The following C6 variants were observed in gnomAD, a reference collection of about 807,000 sequenced individuals.
C6 encodes complement C6.
Under a neutral mutation model 112.9 loss-of-function variants are expected in C6, and 101 were observed. That is an observed-to-expected ratio of 0.89 (90% confidence interval 0.76 to 1.06). C6 has a LOEUF of 1.06. C6 is among the 50% of genes least tolerant of loss of function. C6 has a pLI of 0.00. For synonymous variants in C6, 431 were observed against 384.1 expected, an observed-to-expected ratio of 1.12 and a Z score of -1.43; for missense variants, 1,202 against 1,104.6, an observed-to-expected ratio of 1.09 and a Z score of -1.25.
intron 17 of C6, among the ~76,000 whole-genome samples, chr5:41,145,277 G>A (rs527632425): frequency 2.6e-5 from 4 of 152,118 alleles, no homozygotes; most frequent in Non-Finnish European, 5.9e-5. Flanking sequence ...TGACATTTTT[G>A]TATACATTCT....
At chr5:41,147,312 G>A (rs1046262846) in intron 17 of C6, among the ~76,000 whole-genome samples, 6 of 152,244 alleles carry the variant, frequency 3.9e-5, no homozygotes, top group Middle Eastern at 3.4e-3. Context: ...ATTAAGCAAC[G>A]TGCATATCAG....
chr5:41,194,498 A>G (rs2150351879), intron 5 of C6, among the ~76,000 whole-genome samples: 1 of 152,148 alleles, frequency 6.6e-6, no homozygotes, highest in South Asian at 2.1e-4. Flanking sequence ...TCTGGGTTTT[A>G]TTCTAAATCA....
intron 10 of C6, among the ~76,000 whole-genome samples, chr5:41,161,084 C>T (rs988138933): frequency 3.9e-5 from 6 of 152,054 alleles, no homozygotes; most frequent in Non-Finnish European, 7.4e-5. Flanking sequence ...ATGATTGAAA[C>T]CTTTTATCTT....
At chr5:41,255,041 G>T (rs971638812) in intron 1 of C6, among the ~76,000 whole-genome samples, 5 of 152,082 alleles carry the variant, frequency 3.3e-5, no homozygotes, top group African/African-American at 1.2e-4. Context: ...GCTTTGAGGG[G>T]CCAACTAGAA....
At chr5:41,228,268 A>G (rs540330340) in intron 1 of C6, among the ~76,000 whole-genome samples, 46 of 151,868 alleles carry the variant, frequency 3.0e-4, no homozygotes, top group South Asian at 8.3e-4. Context: ...GATATTTGTC[A>G]TTGGTGTATG....
chr5:41,149,211 G>C (rs533574863), intron 17 of C6, 30 bp downstream of exon 17: 2 of 1,612,658 alleles, frequency 1.2e-6, no homozygotes, highest in East Asian at 2.2e-5. Flanking sequence ...TTAAGTGAGA[G>C]CATTTAGTAT....
intron 2 of C6, among the ~76,000 whole-genome samples, chr5:41,202,747 TA>T (rs1322329614): frequency 6.6e-6 from 1 of 152,176 alleles, no homozygotes; most frequent in Non-Finnish European, 1.5e-5. Context: ...ATTTAATGAG[TA>T]GAAAATTCTC....
chr5:41,226,846 C>T (rs1049254655), intron 1 of C6, among the ~76,000 whole-genome samples: 6 of 152,090 alleles, frequency 3.9e-5, no homozygotes, highest in Non-Finnish European at 8.8e-5. Context: ...TTTTCTTTAT[C>T]CATTCATCTG....
Position 41,160,328 on chromosome 5 carries a change from C to A in C6, c.1498G>T (p.Ala500Ser), listed in dbSNP as rs370054003. 7.8e-5 allele frequency: 126 copies of A among 1,613,662 alleles called. No individual in the cohort carries two copies. Among genetic ancestry groups the A allele is most frequent in the Admixed American group, 4.2e-4 (25 of 59,942 alleles). Residue 500 changes from alanine to serine, a missense_variant, in exon 11 of 18, where the codon GCA becomes TCA. Ala to Ser is a moderately conservative substitution (Grantham distance 99, BLOSUM62 1). Coordinates refer to ENST00000337836, the MANE Select transcript of C6 (RefSeq NM_000065.5). ...CTGAGGTTGTTCCGTTTTGTCACTG[C>A]ACAGGGGATGTTTCTTACCAAGTCC... is the stretch of plus-strand genomic sequence containing the variant. ...IVDLVRNIPC[A>S]VTKRNNLRKA...
chr5:41,244,063 G>A (rs1740884910), intron 1 of C6, among the ~76,000 whole-genome samples: 1 of 152,064 alleles, frequency 6.6e-6, no homozygotes, highest in Non-Finnish European at 1.5e-5. Context: ...TTTGACTCAG[G>A]ACCTGCTTTT....
intron 5 of C6, among the ~76,000 whole-genome samples, chr5:41,193,387 A>C (rs1173210152): frequency 6.6e-6 from 1 of 152,230 alleles, no homozygotes; most frequent in Non-Finnish European, 1.5e-5. Context: ...TCAGATGTTG[A>C]TACTGACTTA....
At chr5:41,260,406 C>T (rs750034408) in intron 1 of C6, among the ~76,000 whole-genome samples, 112 of 151,734 alleles carry the variant, frequency 7.4e-4, no homozygotes, top group Non-Finnish European at 1.4e-3. Context: ...GATCCCTTCT[C>T]TTCAGTAAAT....
chr5:41,253,560 A>T (rs1340885346), intron 1 of C6, among the ~76,000 whole-genome samples: 1 of 152,162 alleles, frequency 6.6e-6, no homozygotes, highest in Non-Finnish European at 1.5e-5. Flanking sequence ...AAACTAGGGC[A>T]ATTGTAGGAC....
intron 1 of C6, among the ~76,000 whole-genome samples, chr5:41,241,420 T>C (rs536821487): frequency 7.9e-5 from 12 of 152,274 alleles, no homozygotes; most frequent in African/African-American, 2.6e-4. Flanking sequence ...CCCTGGGAGA[T>C]AGTAAAACAT....
intron 1 of C6, among the ~76,000 whole-genome samples, chr5:41,211,924 T>G (rs1751964556): frequency 6.6e-6 from 1 of 152,158 alleles, no homozygotes; most frequent in Admixed American, 6.5e-5. Flanking sequence ...TTGAAAGGTA[T>G]GGGTGAGTTT....
At chr5:41,230,510 C>G (rs761496888) in intron 1 of C6, among the ~76,000 whole-genome samples, 9 of 152,112 alleles carry the variant, frequency 5.9e-5, no homozygotes, top group South Asian at 2.1e-4. Flanking sequence ...TTGGGAATTC[C>G]AGCCTGGTAA....
chr5:41,191,101 G>A lies in C6; in HGVS notation c.587+4691C>T, dbSNP rs1750168076. 3.3e-5 allele frequency among the ~76,000 whole-genome samples: 4 copies of A among 119,830 alleles called. No individual in the cohort carries two copies. The South Asian group carries it at 8.1e-4, about 24-fold the overall frequency. The allele number at this position is 119,830 out of a possible 152,430, so 78.6% of individuals were successfully genotyped here. A position where few individuals can be genotyped will look rare whatever the true frequency, so the allele number is the denominator to read the frequency against. On this transcript the variant is annotated intron_variant, in intron 5 of 17. Transcript: ENST00000337836. ...TTTTTTTTTTTTGCAGAGTCTCTGT[G>A]TGTTGCCCAGGCTGGAGTGCAGTGG...
chr5:41,242,930 A>C (rs1307122224), intron 1 of C6, among the ~76,000 whole-genome samples: 2 of 151,500 alleles, frequency 1.3e-5, no homozygotes, highest in Non-Finnish European at 2.9e-5. Flanking sequence ...TTTAACTTAC[A>C]TGTGGAACCT....
chr5:41,247,595 G>A (rs1388764256), intron 1 of C6, among the ~76,000 whole-genome samples: 1 of 151,794 alleles, frequency 6.6e-6, no homozygotes, highest in East Asian at 1.9e-4. Context: ...GCGGGCGCCT[G>A]TAGTCCCAGC....
Sources: allele counts gnomAD v4.1 joint callset (sites outside exome capture counted in the v4.1 genomes callset), GRCh38; gene constraint gnomAD v4.1.1; transcripts MANE v1.5; gene names NCBI Gene and HGNC (gene_info 2026-07-23, HGNC 2026-07-21).